The following DCLK1 variants were observed in gnomAD, a reference collection of about 807,000 sequenced individuals.
The protein encoded by DCLK1 is doublecortin like kinase 1, also known as serine/threonine-protein kinase DCLK1.
DCLK1 carries 16 observed loss-of-function variants against 86.2 expected under a neutral mutation model. The observed-to-expected ratio is 0.19, with a 90% CI of 0.13 to 0.28. DCLK1 has a LOEUF of 0.28. DCLK1 is among the 10% of genes least tolerant of loss of function. The pLI is 1.00. For missense variants in DCLK1, 590 were observed against 940.2 expected (o/e 0.63, Z 4.87); for synonymous variants, 369 against 370.5 (o/e 1.00, Z 0.05).
At chr13:35,979,591 C>A (rs1879535201) in intron 3 of DCLK1, among the ~76,000 whole-genome samples, 1 of 152,210 alleles carries the variant, frequency 6.6e-6, no homozygotes, top group Non-Finnish European at 1.5e-5. Context: ...AGGGAAGGAA[C>A]TGAATTTTCT....
At chr13:35,867,909 A>AAAAAG (rs1555345723) in intron 5 of DCLK1, among the ~76,000 whole-genome samples, 1 of 102,374 alleles carries the variant, frequency 9.8e-6, no homozygotes, top group African/African-American at 4.0e-5. Context: ...GAAAGAAAGA[A>AAAAAG]AAAGAAAGAA....
chr13:36,045,350 A>ATC (rs1882858776), intron 3 of DCLK1, among the ~76,000 whole-genome samples: 5 of 110,700 alleles, frequency 4.5e-5, no homozygotes, highest in Non-Finnish European at 5.4e-5. Flanking sequence ...ATATATATAT[A>ATC]TATATATATA....
intron 4 of DCLK1, among the ~76,000 whole-genome samples, chr13:35,900,750 C>T (rs531442728): frequency 1.4e-4 from 21 of 152,130 alleles, no homozygotes; most frequent in Admixed American, 2.6e-4. Context: ...CTCCCACCCT[C>T]GGCTGTGATA....
At chr13:35,779,108 C>T (rs372359297) in intron 16 of DCLK1, among the ~76,000 whole-genome samples, 3 of 151,970 alleles carry the variant, frequency 2.0e-5, no homozygotes, top group Admixed American at 6.6e-5. Flanking sequence ...CGCCACCTCC[C>T]GGGTTCACAG....
intron 3 of DCLK1, among the ~76,000 whole-genome samples, chr13:36,005,667 T>C (rs1880915914): frequency 6.6e-6 from 1 of 152,158 alleles, no homozygotes; most frequent in African/African-American, 2.4e-5. Flanking sequence ...AGAGCAGAGA[T>C]GGGCTAGCAG....
intron 16 of DCLK1, among the ~76,000 whole-genome samples, chr13:35,775,622 A>G (rs2086412231): frequency 6.6e-6 from 1 of 152,214 alleles, no homozygotes; most frequent in Admixed American, 6.5e-5. Context: ...AGGTCTGAAG[A>G]AAAATATAGA....
intron 3 of DCLK1, among the ~76,000 whole-genome samples, chr13:36,108,725 A>C (rs1885497034): frequency 6.6e-6 from 1 of 152,226 alleles, no homozygotes. Flanking sequence ...TCCTCAACCC[A>C]AAAACATGAA....
chr13:36,079,092 A>G (rs9546296), intron 3 of DCLK1, among the ~76,000 whole-genome samples: 9,985 of 152,194 alleles, frequency 0.066, 502 homozygotes, highest in African/African-American at 0.14. Context: ...CTGTGGCTAC[A>G]TGGCTAGAGA....
In DCLK1 at chr13:36,125,810, T is replaced by G; in HGVS notation, c.328A>C (p.Thr110Pro). Reference protein sequence around the residue: ...NLPQGVRTIYTIDGLKKISSL... With the variant: ...NLPQGVRTIYPIDGLKKISSL... ...GAAATCTTCTTGAGCCCATCAATGG[T>G]GTAGATTGTTCTCACTCCCTGGGGC... Residue 110 changes from threonine to proline, a missense_variant, in exon 2 of 17, where the codon ACC (threonine) becomes CCC (proline). Physicochemically the swap from Thr to Pro is conservative, Grantham distance 38. This residue lies in a region of DCLK1 where 195 missense variants were observed against 365.1 expected (regional missense o/e 0.53). Transcript: ENST00000360631. 6.2e-7 allele frequency: 1 copy of G among 1,614,170 alleles called. No homozygotes were observed. The highest frequency in any genetic ancestry group is 8.5e-7 in the Non-Finnish European group (1 of 1,180,024).
intron 11 of DCLK1, among the ~76,000 whole-genome samples, chr13:35,820,586 A>C (rs2087371899): frequency 6.6e-6 from 1 of 152,214 alleles, no homozygotes; most frequent in South Asian, 2.1e-4. Flanking sequence ...ACTGAGCAGC[A>C]AAAGCAAAAA....
chr13:35,818,693 G>C (rs1224936931), intron 11 of DCLK1, among the ~76,000 whole-genome samples: 1 of 152,096 alleles, frequency 6.6e-6, no homozygotes, highest in Non-Finnish European at 1.5e-5. Flanking sequence ...GACCTGCCCA[G>C]GTCCTTGAAA....
intron 3 of DCLK1, among the ~76,000 whole-genome samples, chr13:36,074,299 G>C (rs906038873): frequency 3.3e-5 from 5 of 151,714 alleles, no homozygotes; most frequent in Non-Finnish European, 7.4e-5. Flanking sequence ...TCAGGAGATC[G>C]AGACCTTCCC....
At chr13:35,811,558 G>C (rs1376956695) in intron 11 of DCLK1, among the ~76,000 whole-genome samples, 1 of 152,130 alleles carries the variant, frequency 6.6e-6, no homozygotes, top group African/African-American at 2.4e-5. Flanking sequence ...AACTTGCCGG[G>C]AGCTGTGGCT....
chr13:35,784,487 G>A (rs114817727), intron 16 of DCLK1, among the ~76,000 whole-genome samples: 1 of 152,088 alleles, frequency 6.6e-6, no homozygotes, highest in Non-Finnish European at 1.5e-5. Flanking sequence ...TGACCTTCAC[G>A]CCACAACAGG....
intron 8 of DCLK1, among the ~76,000 whole-genome samples, chr13:35,835,305 C>T (rs113798382): frequency 1.1e-3 from 161 of 152,318 alleles, no homozygotes; most frequent in African/African-American, 3.6e-3. Flanking sequence ...GTTCCCCCAA[C>T]TTTGCAGTAT....
chr13:35,992,185 T>G (rs10507438), intron 3 of DCLK1, among the ~76,000 whole-genome samples: 54,946 of 151,982 alleles, frequency 0.36, 11,064 homozygotes, highest in Non-Finnish European at 0.44. Context: ...AATCTCAATT[T>G]TTAACAGGTT....
chr13:35,957,982 AACC>A (rs1337330365), intron 3 of DCLK1, among the ~76,000 whole-genome samples: 57 of 149,510 alleles, frequency 3.8e-4, no homozygotes, highest in Admixed American at 1.2e-3. Flanking sequence ...TCACTGCTAT[AACC>A]ACCACCACCA....
In DCLK1 at chr13:35,830,791, C is replaced by T. The variant is rs375451696; in HGVS notation, c.1230-2484G>A. 1.8e-4 allele frequency among the ~76,000 whole-genome samples: 27 copies of T among 152,300 alleles called. No homozygotes were observed. In the East Asian group the frequency reaches 2.1e-3, roughly 12 times the overall value. Reference sequence around the variant, plus strand: ...TGTGAGACTGAAAAATAAAAGCTGCCGTTCCCTTCACCACCTCCACAAAGG... The same window carrying T: ...TGTGAGACTGAAAAATAAAAGCTGCTGTTCCCTTCACCACCTCCACAAAGG... On this transcript the variant is annotated intron_variant, in intron 8 of 16. Transcript: ENST00000360631.
At chr13:35,863,904 A>T (rs1007187834) in intron 5 of DCLK1, among the ~76,000 whole-genome samples, 1 of 152,246 alleles carries the variant, frequency 6.6e-6, no homozygotes, top group African/African-American at 2.4e-5. Context: ...TTTAAATAGC[A>T]TGAATAAAAA....
Sources: gnomAD v4.1 joint callset for allele counts (sites outside exome capture counted in the v4.1 genomes callset) on GRCh38, gnomAD v4.1.1 for gene constraint, gnomAD v4.1.1 regional missense constraint, MANE v1.5 for transcripts, NCBI Gene and HGNC (gene_info 2026-07-23, HGNC 2026-07-21) for gene names.